Variants in B3GALT1 observed in about 807,000 individuals in gnomAD.
The protein encoded by B3GALT1 is beta-1,3-galactosyltransferase 1, also known as UDP-Gal:betaGlcNAc beta 1,3-galactosyltransferase, polypeptide 1.
In B3GALT1, 10 loss-of-function variants were observed where a neutral mutation model predicts 23.2. That is an observed-to-expected ratio of 0.43 (90% CI 0.27 to 0.73). The LOEUF (loss-of-function observed/expected upper bound fraction) is 0.73. B3GALT1 is among the 30% of genes least tolerant of loss of function. The probability of loss-of-function intolerance (pLI) is 0.21; values close to 1 mark genes in which losing one functional copy is unlikely to be tolerated. For missense variants in B3GALT1, 299 were observed against 405.4 expected (o/e 0.74, Z 2.25); for synonymous variants, 156 against 141.5 (o/e 1.10, Z -0.73).
intron 1 of B3GALT1, among the ~76,000 whole-genome samples, chr2:167,332,091 G>A (rs1030305777): frequency 2.6e-5 from 4 of 152,106 alleles, no homozygotes; most frequent in African/African-American, 7.2e-5. Flanking sequence ...CTCTCTCTCT[G>A]TAGAAGTGAC....
intron 3 of B3GALT1, among the ~76,000 whole-genome samples, chr2:167,754,680 A>G (rs1337053146): frequency 1.3e-5 from 2 of 152,168 alleles, no homozygotes; most frequent in African/African-American, 2.4e-5. Context: ...TTCCACATCA[A>G]GTCCACATCT....
At chr2:167,861,046 G>T (rs776837679) in intron 4 of B3GALT1, among the ~76,000 whole-genome samples, 55 of 152,156 alleles carry the variant, frequency 3.6e-4, no homozygotes, top group Non-Finnish European at 5.9e-4. Context: ...AAGTCTTGCG[G>T]AGCAAAGTAC....
intron 2 of B3GALT1, among the ~76,000 whole-genome samples, chr2:167,589,021 C>T (rs929419076): frequency 6.6e-6 from 1 of 151,958 alleles, no homozygotes; most frequent in Non-Finnish European, 1.5e-5. Context: ...CAGTTCACTG[C>T]AGCCTCAACT....
intron 2 of B3GALT1, among the ~76,000 whole-genome samples, chr2:167,610,927 AG>A (rs200981974): frequency 7.0e-4 from 95 of 136,678 alleles, no homozygotes; most frequent in Admixed American, 1.1e-3. Context: ...AAAAAAAAAA[AG>A]AGAGAGAGAG....
chr2:167,843,550 G>C, intron 4 of B3GALT1, among the ~76,000 whole-genome samples: 1 of 152,272 alleles, frequency 6.6e-6, no homozygotes, highest in East Asian at 1.9e-4. Context: ...CACTACCTAG[G>C]ATAGAAGTGA....
At chr2:167,563,437 G>A (rs1344261971) in intron 2 of B3GALT1, among the ~76,000 whole-genome samples, 1 of 130,288 alleles carries the variant, frequency 7.7e-6, no homozygotes, top group Non-Finnish European at 1.6e-5. Context: ...CTCCCGGACA[G>A]GGGCGGCTGG....
intron 1 of B3GALT1, among the ~76,000 whole-genome samples, chr2:167,399,293 C>T (rs538802671): frequency 1.3e-5 from 2 of 152,198 alleles, no homozygotes; most frequent in Non-Finnish European, 2.9e-5. Flanking sequence ...AGAATGCATG[C>T]ACTGTGTTAT....
intron 3 of B3GALT1, among the ~76,000 whole-genome samples, chr2:167,799,348 C>A (rs895825744): frequency 5.3e-5 from 8 of 152,146 alleles, no homozygotes; most frequent in African/African-American, 1.9e-4. Context: ...CCTCCACCCT[C>A]CCCCTTGCAA....
intron 3 of B3GALT1, among the ~76,000 whole-genome samples, chr2:167,706,523 T>C (rs1218517742): frequency 6.6e-6 from 1 of 152,196 alleles, no homozygotes; most frequent in Non-Finnish European, 1.5e-5. Flanking sequence ...CCTCTTTTGT[T>C]ACAGCCTAAC....
intron 1 of B3GALT1, among the ~76,000 whole-genome samples, chr2:167,487,074 T>G (rs1178330611): frequency 6.6e-6 from 1 of 152,270 alleles, no homozygotes; most frequent in Non-Finnish European, 1.5e-5. Context: ...AGATTTCTTT[T>G]GAATTTATCA....
chr2:167,682,119 A>G (rs958940904), intron 3 of B3GALT1, among the ~76,000 whole-genome samples: 1 of 151,720 alleles, frequency 6.6e-6, no homozygotes, highest in Non-Finnish European at 1.5e-5. Flanking sequence ...TCCTGTTCCT[A>G]TTGCCTTGGT....
intron 1 of B3GALT1, among the ~76,000 whole-genome samples, chr2:167,317,103 G>C (rs944835598): frequency 6.6e-6 from 1 of 152,076 alleles, no homozygotes; most frequent in Non-Finnish European, 1.5e-5. Context: ...ACAATAAAGA[G>C]AACAGCTCTA....
At chr2:167,850,035 TA>T (rs1224325864) in intron 4 of B3GALT1, among the ~76,000 whole-genome samples, 1 of 151,946 alleles carries the variant, frequency 6.6e-6, no homozygotes, top group Non-Finnish European at 1.5e-5. Context: ...AAAACAAAGA[TA>T]AATCACTGGG....
At chr2:167,859,020 AC>A (rs1690050608) in intron 4 of B3GALT1, among the ~76,000 whole-genome samples, 1 of 151,970 alleles carries the variant, frequency 6.6e-6, no homozygotes, top group African/African-American at 2.4e-5. Context: ...CCGAATGAAT[AC>A]TCTTTTTGTT....
At chr2:167,339,981 CT>C (rs1697121665) in intron 1 of B3GALT1, among the ~76,000 whole-genome samples, 1 of 152,072 alleles carries the variant, frequency 6.6e-6, no homozygotes, top group Non-Finnish European at 1.5e-5. Context: ...AAAAATGGAG[CT>C]TGAGGGTTTT....
At chr2:167,404,401 A>C (rs537456904) in intron 1 of B3GALT1, among the ~76,000 whole-genome samples, 17 of 152,314 alleles carry the variant, frequency 1.1e-4, no homozygotes, top group Admixed American at 1.1e-3. Flanking sequence ...TCAAAGTCAG[A>C]GCTGACAAAA....
At chr2:167,776,927 T>C (rs987694016) in intron 3 of B3GALT1, among the ~76,000 whole-genome samples, 5 of 149,872 alleles carry the variant, frequency 3.3e-5, no homozygotes, top group African/African-American at 1.0e-4. Flanking sequence ...TCTCCACTTA[T>C]GTGTGTTGCT....
intron 2 of B3GALT1, among the ~76,000 whole-genome samples, chr2:167,543,816 G>A (rs534071723): frequency 2.0e-5 from 3 of 152,190 alleles, no homozygotes; most frequent in Non-Finnish European, 4.4e-5. Flanking sequence ...CCTGCTATAA[G>A]CGCATTTGGC....
At chr2:167,505,655 G>T (rs1286026252) in intron 2 of B3GALT1, among the ~76,000 whole-genome samples, 1 of 152,098 alleles carries the variant, frequency 6.6e-6, no homozygotes. Flanking sequence ...GAGCTACCTA[G>T]AAATCATTGA....
Sources: allele counts gnomAD v4.1 joint callset (sites outside exome capture counted in the v4.1 genomes callset), GRCh38; gene constraint gnomAD v4.1.1; transcripts MANE v1.5; gene names NCBI Gene and HGNC (gene_info 2026-07-23, HGNC 2026-07-21).